ZNF536: variants seen among roughly 807,000 people sequenced by gnomAD.
ZNF536 encodes the protein zinc finger protein 536.
A neutral mutation model predicts 84.5 loss-of-function variants in ZNF536; 13 were observed. That is an observed-to-expected ratio of 0.15 (90% CI 0.10 to 0.24). ZNF536 has a LOEUF of 0.24. ZNF536 is among the 10% of genes least tolerant of loss of function. ZNF536 has a pLI of 1.00. For synonymous variants in ZNF536, 811 were observed against 742.5 expected (o/e 1.09, Z -1.50); for missense variants, 1,536 against 1,747.5 (o/e 0.88, Z 2.16).
intron 2 of ZNF536, among the ~76,000 whole-genome samples, chr19:30,470,987 C>CTT (rs35539055): frequency 7.7e-5 from 11 of 142,582 alleles, no homozygotes; most frequent in Admixed American, 1.4e-4. Flanking sequence ...TGCGCCCGGC[C>CTT]TTTTTTTTTT....
At chr19:30,643,111 G>A (rs1167922424) in intron 1 of ZNF536, among the ~76,000 whole-genome samples, 2 of 152,222 alleles carry the variant, frequency 1.3e-5, no homozygotes, top group Non-Finnish European at 2.9e-5. Context: ...TCACCAGGTA[G>A]CATCCTTTCC....
intron 2 of ZNF536, among the ~76,000 whole-genome samples, chr19:30,527,760 A>G (rs1283823625): frequency 1.3e-5 from 2 of 152,236 alleles, no homozygotes; most frequent in Non-Finnish European, 2.9e-5. Context: ...TGAGTCTATT[A>G]AAGCTTTCAA....
At position 30,548,001 on chromosome 19, in the gene ZNF536, A is replaced by T. The variant is rs1171965944; in HGVS notation, c.2382A>T (p.Leu794Phe). ...ATGCCGGCACGCAGTCAGCATCCTT[A>T]AAATACCACTTAGAGCGACACCATC... Reference protein sequence around the residue: ...CDYAGTQSASLKYHLERHHRE... With the variant: ...CDYAGTQSASFKYHLERHHRE... Residue 794 changes from leucine to phenylalanine, a missense_variant, in exon 4 of 5, where the codon TTA (leucine) becomes TTT (phenylalanine). Coordinates refer to ENST00000355537, the MANE Select transcript of ZNF536 (RefSeq NM_014717.3). 1 of 1,608,970 alleles carries T rather than the reference A, an allele frequency of 6.2e-7. No individual in the cohort carries two copies. Among genetic ancestry groups the T allele is most frequent in the Non-Finnish European group, 8.5e-7 (1 of 1,177,544 alleles).
intron 1 of ZNF536, among the ~76,000 whole-genome samples, chr19:30,585,021 C>T (rs1021383499): frequency 6.6e-6 from 1 of 151,832 alleles, no homozygotes; most frequent in African/African-American, 2.4e-5. Context: ...TGCTTGAGCC[C>T]AGCAGGCAAG....
intron 1 of ZNF536, among the ~76,000 whole-genome samples, chr19:30,411,258 G>C (rs1419645729): frequency 6.6e-6 from 1 of 152,146 alleles, no homozygotes; most frequent in African/African-American, 2.4e-5. Flanking sequence ...CTTTTCTGCA[G>C]ATAGTGTGTG....
chr19:30,445,477 G>T lies in ZNF536; in HGVS notation c.1915G>T (p.Val639Leu), dbSNP rs953908363. The change falls in exon 2 of 5, where the codon GTG becomes TTG. Residue 639 changes from valine to leucine, a missense_variant. Around this residue, in one of 8 missense-constraint regions of ZNF536, gnomAD observed 366 missense variants for 364.4 expected, o/e 1.00. Coordinates refer to ENST00000355537, the MANE Select transcript of ZNF536 (RefSeq NM_014717.3). This position sits in a 1 kb window ranked among gnomAD's most constrained non-coding sequence, Gnocchi z 4.5. ...CACCGAGTGCCCCGACTGCGGCCGGGTGTTCCGCACTTACCACCAGGTGGT... is the reference window on the plus strand; with the variant it reads ...CACCGAGTGCCCCGACTGCGGCCGGTTGTTCCGCACTTACCACCAGGTGGT... ...KPTECPDCGR[V>L]FRTYHQVVVH... 1.9e-6 allele frequency: 3 copies of T among 1,614,166 alleles called. No homozygotes were observed. Among genetic ancestry groups the T allele is most frequent in the Non-Finnish European group, 2.5e-6 (3 of 1,180,026 alleles).
At chr19:30,227,658 C>CGGGGCGA (rs905305193), upstream of ZNF536, among the ~76,000 whole-genome samples, 42 of 148,304 alleles carry the variant, frequency 2.8e-4, no homozygotes, top group African/African-American at 9.6e-4. Context: ...CCGGCGGGGC[C>CGGGGCGA]GGGGCGAGGG....
intron 1 of ZNF536, among the ~76,000 whole-genome samples, chr19:30,421,164 A>G (rs940931608): frequency 6.6e-6 from 1 of 152,176 alleles, no homozygotes; most frequent in African/African-American, 2.4e-5. Context: ...TATGTAGAGG[A>G]TCCAGCGTGC....
intron 1 of ZNF536, among the ~76,000 whole-genome samples, chr19:30,615,007 C>T (rs2048238024): frequency 2.8e-5 from 3 of 107,164 alleles, no homozygotes; most frequent in East Asian, 3.2e-4. Context: ...AGTGCAGTGG[C>T]GCGATCTCGA....
At chr19:30,547,327 C>A (rs917235688) in intron 3 of ZNF536, among the ~76,000 whole-genome samples, 2 of 152,100 alleles carry the variant, frequency 1.3e-5, no homozygotes, top group Non-Finnish European at 2.9e-5. Flanking sequence ...ATTTATAGTT[C>A]TTTATTTAGA....
intron 1 of ZNF536, among the ~76,000 whole-genome samples, chr19:30,383,740 TTTCTCTTTCTTTCTTTCTCTTTC>T (rs2049145351): frequency 8.1e-5 from 1 of 12,292 alleles, no homozygotes; most frequent in African/African-American, 1.7e-4. Context: ...TCTTTCTTTC[TTTCTCTTTCTTTCTTTCTCTTTC>T]TTTCTTTCTT....
chr19:30,325,234 G>C (rs975387439), intron 2 of ZNF536, among the ~76,000 whole-genome samples: 120 of 152,306 alleles, frequency 7.9e-4, no homozygotes, highest in Non-Finnish European at 2.2e-4. Flanking sequence ...GCAACTGAGG[G>C]ACAGAAGATG....
intron 1 of ZNF536, among the ~76,000 whole-genome samples, chr19:30,615,766 A>G (rs374948749): frequency 2.6e-5 from 4 of 152,248 alleles, no homozygotes; most frequent in African/African-American, 9.6e-5. Context: ...TCTAAGAGCA[A>G]AATAGGGCTT....
intron 3 of ZNF536, among the ~76,000 whole-genome samples, chr19:30,545,248 C>G (rs16964312): frequency 1.3e-5 from 2 of 152,106 alleles, no homozygotes; most frequent in African/African-American, 4.8e-5. Flanking sequence ...GGGACGCTTA[C>G]AAGGCCAACT....
At chr19:30,669,175 C>T (rs1332124630) in intron 1 of ZNF536, among the ~76,000 whole-genome samples, 1 of 152,234 alleles carries the variant, frequency 6.6e-6, no homozygotes, top group Non-Finnish European at 1.5e-5. Context: ...GATGCACAGG[C>T]GGCTGGCGCT....
At chr19:30,661,297 A>G (rs1413306252) in intron 1 of ZNF536, among the ~76,000 whole-genome samples, 1 of 152,340 alleles carries the variant, frequency 6.6e-6, no homozygotes, top group South Asian at 2.1e-4. Context: ...TTCTGATGAC[A>G]GATTTTTGGG....
chr19:30,649,184 G>A (rs1278111444), intron 1 of ZNF536, among the ~76,000 whole-genome samples: 2 of 152,142 alleles, frequency 1.3e-5, no homozygotes, highest in Non-Finnish European at 2.9e-5. Context: ...GACTTGGTGA[G>A]CAAAAAGTGA....
At chr19:30,319,172 C>T (rs1331426032) in intron 2 of ZNF536, among the ~76,000 whole-genome samples, 5 of 152,170 alleles carry the variant, frequency 3.3e-5, no homozygotes, top group East Asian at 1.9e-4. Context: ...AGGGTCCGCA[C>T]GCTCTACGCA....
chr19:30,341,784 A>G (rs1162810365), intron 2 of ZNF536, among the ~76,000 whole-genome samples: 3 of 152,182 alleles, frequency 2.0e-5, no homozygotes, highest in African/African-American at 7.2e-5. Context: ...GCTCTAAAGG[A>G]AAGTATGAAA....
Sources: allele counts gnomAD v4.1 joint callset (sites outside exome capture counted in the v4.1 genomes callset), GRCh38; gene constraint gnomAD v4.1.1; regional missense constraint gnomAD v4.1.1; non-coding constraint Gnocchi (gnomAD v3.1); transcripts MANE v1.5; gene names NCBI Gene and HGNC (gene_info 2026-07-23, HGNC 2026-07-21).